The following SLC4A7 variants were observed in gnomAD, a reference collection of about 807,000 sequenced individuals.
SLC4A7 encodes the protein solute carrier family 4 member 7.
SLC4A7 carries 51 observed loss-of-function variants against 137.6 expected under a neutral mutation model. That is an observed-to-expected ratio of 0.37 (90% CI 0.30 to 0.47). The LOEUF (loss-of-function observed/expected upper bound fraction) is 0.47. Among genes scored for constraint, SLC4A7 ranks in the 20% least tolerant of loss-of-function variants. The pLI is 1.00. For synonymous variants in SLC4A7, 542 were observed against 518.6 expected, an observed-to-expected ratio of 1.05 and a Z score of -0.61; for missense variants, 1,247 against 1,525.4, an observed-to-expected ratio of 0.82 and a Z score of 3.04.
intron 5 of SLC4A7, among the ~76,000 whole-genome samples, chr3:27,434,607 C>T (rs2056591531): frequency 1.3e-5 from 2 of 151,872 alleles, no homozygotes; most frequent in Admixed American, 6.6e-5. Context: ...GGTAGAGAAA[C>T]CAACATACAA....
intron 16 of SLC4A7, among the ~76,000 whole-genome samples, chr3:27,399,525 C>T (rs888767848): frequency 8.5e-5 from 13 of 152,140 alleles, no homozygotes; most frequent in Non-Finnish European, 1.8e-4. Flanking sequence ...ATCTCCAACT[C>T]CTGGGCTCAA....
intron 7 of SLC4A7, among the ~76,000 whole-genome samples, chr3:27,429,981 T>C (rs1244008494): frequency 6.6e-6 from 1 of 152,086 alleles, no homozygotes; most frequent in Non-Finnish European, 1.5e-5. Context: ...TTTGGGAGGC[T>C]ACGGCAGGAG....
chr3:27,437,181 T>C (rs2056802438), intron 4 of SLC4A7, among the ~76,000 whole-genome samples: 1 of 152,038 alleles, frequency 6.6e-6, no homozygotes, highest in Admixed American at 6.6e-5. Flanking sequence ...TGAAACCCCA[T>C]CTCTACTAAA....
chr3:27,408,305 C>T (rs2053576300), intron 13 of SLC4A7, among the ~76,000 whole-genome samples: 1 of 152,156 alleles, frequency 6.6e-6, no homozygotes, highest in African/African-American at 2.4e-5. Flanking sequence ...GGCAGCAATT[C>T]CATGATGGTA....
At chr3:27,456,887 G>C (rs1244656151) in intron 1 of SLC4A7, 1 of 1,359,444 alleles carries the variant, frequency 7.4e-7, no homozygotes, top group Admixed American at 3.5e-5. Flanking sequence ...CAGGGTCACA[G>C]CATAACAGAT....
chr3:27,464,663 C>T (rs1470207521), intron 1 of SLC4A7, among the ~76,000 whole-genome samples: 2 of 151,724 alleles, frequency 1.3e-5, no homozygotes, highest in African/African-American at 2.4e-5. Flanking sequence ...ACTGTACTCC[C>T]GCCTGGGCAA....
chr3:27,412,724 TTTAA>T lies in SLC4A7; in HGVS notation c.1660-980_1660-977del, dbSNP rs202170712. On this transcript the variant is annotated intron_variant, in intron 11 of 25. Transcript: ENST00000454389. ...TTGTGGTTTTGGCTATTATTTTTAA[TTTAA>T]TTAATCATTTAACTGATTTAATCAT... Among the ~76,000 whole-genome samples, 60 of 145,776 alleles carry T rather than the reference TTTAA, an allele frequency of 4.1e-4. 1 individual carries two copies. The highest frequency in any genetic ancestry group is 1.9e-3 in the Admixed American group (28 of 14,638).
Position 27,483,600 on chromosome 3 carries a change from G to A in SLC4A7, c.60+467C>T, listed in dbSNP as rs2150778467. 2.0e-5 allele frequency among the ~76,000 whole-genome samples: 3 copies of A among 152,338 alleles called. No homozygotes were observed. The East Asian group carries it at 5.8e-4, about 29-fold the overall frequency. On this transcript the variant is annotated intron_variant, in intron 1 of 25. Transcript: ENST00000454389. ...AACCAGCTCTTCACCACTGCCTGGG[G>A]CTAGAGACAGGTGGAGCCGCCGTCC...
chr3:27,479,631 A>G (rs2059628445), intron 1 of SLC4A7, among the ~76,000 whole-genome samples: 2 of 152,208 alleles, frequency 1.3e-5, no homozygotes, highest in Non-Finnish European at 2.9e-5. Context: ...TGTCACCATT[A>G]TAATTGCAAA....
intron 15 of SLC4A7, among the ~76,000 whole-genome samples, chr3:27,402,168 C>T (rs1433436350): frequency 6.6e-6 from 1 of 152,174 alleles, no homozygotes; most frequent in East Asian, 1.9e-4. Flanking sequence ...AAATGCAGTT[C>T]CATATTTACG....
chr3:27,398,719 C>T (rs957929581), intron 16 of SLC4A7, among the ~76,000 whole-genome samples: 9 of 152,030 alleles, frequency 5.9e-5, no homozygotes, highest in East Asian at 3.8e-4. Flanking sequence ...ACAATTTTAC[C>T]GCTTTTCGTT....
At chr3:27,468,332 G>A (rs1025614685) in intron 1 of SLC4A7, among the ~76,000 whole-genome samples, 1 of 152,080 alleles carries the variant, frequency 6.6e-6, no homozygotes, top group Non-Finnish European at 1.5e-5. Flanking sequence ...TGTATATTAG[G>A]ATAAAATTAA....
At chr3:27,454,258 G>A (rs1244253444) in intron 1 of SLC4A7, among the ~76,000 whole-genome samples, 1 of 152,156 alleles carries the variant, frequency 6.6e-6, no homozygotes, top group Non-Finnish European at 1.5e-5. Flanking sequence ...CTGAGGTCAG[G>A]AGTTTGACAC....
chr3:27,445,372 T>A (rs548853509), intron 3 of SLC4A7, among the ~76,000 whole-genome samples: 4 of 152,210 alleles, frequency 2.6e-5, no homozygotes, highest in African/African-American at 9.6e-5. Flanking sequence ...TGGGTTCCCC[T>A]CCCTGTGCTG....
chr3:27,454,690 C>G (rs2058297748), intron 1 of SLC4A7, among the ~76,000 whole-genome samples: 1 of 152,132 alleles, frequency 6.6e-6, no homozygotes, highest in African/African-American at 2.4e-5. Flanking sequence ...TGAACATGCA[C>G]AGGTACAAAA....
At position 27,404,971 on chromosome 3, in the gene SLC4A7, A is replaced by G; in HGVS notation, c.1942-8T>C. On this transcript the variant is annotated splice_polypyrimidine_tract_variant and splice_region_variant and intron_variant, in intron 13 of 25. Coordinates refer to ENST00000454389, the MANE Select transcript of SLC4A7 (RefSeq NM_001321103.2). Reference sequence around the variant, plus strand: ...AAGAGACTCTATTGCACTCTGTTTAAGGAAAAAAGAAATGAATAAAAGCAA... The same window carrying G: ...AAGAGACTCTATTGCACTCTGTTTAGGGAAAAAAGAAATGAATAAAAGCAA... The G allele has an allele frequency of 6.4e-7, 1 of 1,557,774 alleles. No individual in the cohort carries two copies. The highest frequency in any genetic ancestry group is 8.6e-7 in the Non-Finnish European group (1 of 1,159,688).
intron 1 of SLC4A7, among the ~76,000 whole-genome samples, chr3:27,455,232 C>G (rs1576577488): frequency 6.6e-6 from 1 of 151,946 alleles, no homozygotes; most frequent in Non-Finnish European, 1.5e-5. Context: ...GAAACCAGAC[C>G]CAAAAAATGG....
intron 10 of SLC4A7, 57 bp from the exon 11 acceptor site, chr3:27,418,689 T>C (rs2054631022): frequency 1.9e-6 from 2 of 1,030,602 alleles, no homozygotes; most frequent in East Asian, 2.6e-5. Context: ...TTTCTACACA[T>C]AGTAAATCCA....
At chr3:27,457,890 A>G (rs1245270716) in intron 1 of SLC4A7, among the ~76,000 whole-genome samples, 1 of 152,314 alleles carries the variant, frequency 6.6e-6, no homozygotes, top group East Asian at 1.9e-4. Flanking sequence ...TATCATGGGT[A>G]ACAAACACTA....
Sources: gnomAD v4.1 joint callset for allele counts (sites outside exome capture counted in the v4.1 genomes callset) on GRCh38, gnomAD v4.1.1 for gene constraint, MANE v1.5 for transcripts, NCBI Gene and HGNC (gene_info 2026-07-23, HGNC 2026-07-21) for gene names.